Variants in HRH1 observed in about 807,000 individuals in gnomAD.
The protein encoded by HRH1 is histamine receptor H1, also known as histamine H1 receptor.
HRH1 carries 6 observed loss-of-function variants against 10.3 expected under a neutral mutation model. That is an observed-to-expected ratio of 0.58 (90% CI 0.32 to 1.15). HRH1 has a LOEUF of 1.15. Among genes scored for constraint, HRH1 ranks in the 50% most tolerant of loss-of-function variants. The pLI is 0.05. For missense variants in HRH1, 514 were observed against 615.3 expected, an observed-to-expected ratio of 0.84 and a Z score of 1.74; for synonymous variants, 242 against 236.7, an observed-to-expected ratio of 1.02 and a Z score of -0.21.
chr3:11,170,056 A>G (rs1937122810), intron 1 of HRH1, among the ~76,000 whole-genome samples: 2 of 152,120 alleles, frequency 1.3e-5, no homozygotes, highest in Non-Finnish European at 2.9e-5. Flanking sequence ...AACTCAACAG[A>G]CGGTGCCTTG....
chr3:11,196,278 G>A (rs1412564807), intron 1 of HRH1, among the ~76,000 whole-genome samples: 1 of 152,196 alleles, frequency 6.6e-6, no homozygotes, highest in Non-Finnish European at 1.5e-5. Context: ...GGCTTTGCTT[G>A]TGCCATTCCT....
chr3:11,189,883 A>G (rs980511361), intron 1 of HRH1, among the ~76,000 whole-genome samples: 8 of 152,276 alleles, frequency 5.3e-5, no homozygotes, highest in Non-Finnish European at 1.0e-4. Context: ...CCAGGAAACG[A>G]AAGTTGCAGC....
At chr3:11,158,947 C>T (rs957057495) in intron 1 of HRH1, among the ~76,000 whole-genome samples, 6 of 152,128 alleles carry the variant, frequency 3.9e-5, no homozygotes, top group African/African-American at 1.4e-4. Context: ...GACCTTAGTA[C>T]AATAATGAAT....
chr3:11,233,977 C>T (rs1939108027), intron 1 of HRH1, among the ~76,000 whole-genome samples: 1 of 152,132 alleles, frequency 6.6e-6, no homozygotes, highest in Admixed American at 6.5e-5. Flanking sequence ...GCTTATTCAG[C>T]ACATGATTTA....
At chr3:11,209,066 A>C (rs1938234601) in intron 1 of HRH1, among the ~76,000 whole-genome samples, 1 of 152,190 alleles carries the variant, frequency 6.6e-6, no homozygotes, top group African/African-American at 2.4e-5. Flanking sequence ...AGAAATACTT[A>C]TTAACAGAGA....
At chr3:11,219,484 C>T (rs368487650) in intron 1 of HRH1, among the ~76,000 whole-genome samples, 4 of 151,824 alleles carry the variant, frequency 2.6e-5, no homozygotes, top group Non-Finnish European at 4.4e-5. Flanking sequence ...GAGGCCGAGG[C>T]GGGCGGAGCA....
chr3:11,225,891 A>G (rs1938867203), intron 1 of HRH1: 1 of 152,334 alleles, frequency 6.6e-6, no homozygotes, highest in South Asian at 2.1e-4. Flanking sequence ...GTCTGTGCAG[A>G]GTTCAGCGAA....
chr3:11,259,363 T>C lies in HRH1; in HGVS notation c.326T>C (p.Val109Ala). The C allele has an allele frequency of 6.2e-7, 1 of 1,613,968 alleles. No homozygotes were observed. The highest frequency in any genetic ancestry group is 8.5e-7 in the Non-Finnish European group (1 of 1,180,016). The change falls in exon 2 of 2, where the codon GTG becomes GCG. Residue 109 changes from valine (V) to alanine (A), a missense_variant. Val to Ala is a moderately conservative substitution (Grantham distance 64). Transcript: ENST00000431010. This position sits in a 1 kb window ranked among gnomAD's most constrained non-coding sequence, Gnocchi z 4.6. ...LCLFWLSMDY[V>A]ASTASIFSVF... ...CTCTTTTGGCTTTCCATGGACTATG[T>C]GGCCAGCACAGCGTCCATTTTCAGT...
chr3:11,201,285 C>T (rs1024856625), intron 1 of HRH1, among the ~76,000 whole-genome samples: 37 of 152,220 alleles, frequency 2.4e-4, no homozygotes, highest in Non-Finnish European at 1.0e-4. Context: ...AAGGATTTGA[C>T]TTGCCCTGCT....
intron 1 of HRH1, among the ~76,000 whole-genome samples, chr3:11,245,715 T>C (rs879620922): frequency 6.6e-5 from 10 of 152,310 alleles, no homozygotes; most frequent in Admixed American, 6.5e-4. Context: ...TCAAAAATGA[T>C]GGTTTGCTTG....
At chr3:11,206,992 A>C (rs1490322927) in intron 1 of HRH1, among the ~76,000 whole-genome samples, 3 of 152,148 alleles carry the variant, frequency 2.0e-5, no homozygotes, top group African/African-American at 7.2e-5. Context: ...AGGAGGGATT[A>C]CAGAGAAGGG....
chr3:11,162,854 T>G lies in HRH1; in HGVS notation c.-36+8300T>G, dbSNP rs150669852. On this transcript the variant is annotated intron_variant, in intron 1 of 1. Transcript: ENST00000431010. ...GTAATTTGTGGTTATTCTTGGGTTT[T>G]GTTTTGTTTTGTTTTGTTTTTTGTA... 3.8e-3 allele frequency among the ~76,000 whole-genome samples: 572 copies of G among 152,240 alleles called. 7 individuals are homozygous for G. The highest frequency in any genetic ancestry group is 0.013 in the African/African-American group (554 of 41,566).
At chr3:11,214,481 C>T (rs1938427964) in intron 1 of HRH1, among the ~76,000 whole-genome samples, 1 of 152,176 alleles carries the variant, frequency 6.6e-6, no homozygotes, top group Admixed American at 6.5e-5. Context: ...CTGTGGCCTT[C>T]TGCTGTCCTA....
Position 11,259,748 on chromosome 3 carries a change from T to G in HRH1, c.711T>G (p.Ile237Met). ...INRSLPSFSEIKLRPENPKGD... is the reference protein window; with the variant it reads ...INRSLPSFSEMKLRPENPKGD... ...GGTCCCTCCCTTCCTTCTCAGAAAT[T>G]AAGCTGAGGCCAGAGAACCCCAAGG... The change falls in exon 2 of 2, where the codon ATT becomes ATG. Residue 237 changes from isoleucine to methionine, a missense_variant. Transcript: ENST00000431010. The surrounding 1 kb of genome is among the most constrained non-coding windows in gnomAD (Gnocchi z 4.6). 1 of 1,613,922 alleles carries G rather than the reference T, an allele frequency of 6.2e-7. No homozygotes were observed. Among genetic ancestry groups the G allele is most frequent in the Non-Finnish European group, 8.5e-7 (1 of 1,179,988 alleles).
intron 1 of HRH1, among the ~76,000 whole-genome samples, chr3:11,147,042 C>T (rs777102775): frequency 5.3e-5 from 8 of 152,288 alleles, no homozygotes; most frequent in Admixed American, 2.0e-4. Flanking sequence ...GATTTCCTCG[C>T]GTGTGATGGA....
intron 1 of HRH1, among the ~76,000 whole-genome samples, chr3:11,170,009 T>C (rs1423884149): frequency 6.6e-6 from 1 of 152,142 alleles, no homozygotes; most frequent in East Asian, 1.9e-4. Flanking sequence ...CCCACCTCCC[T>C]CGCTAGGAAT....
chr3:11,258,311 T>A (rs1480264433), intron 1 of HRH1, among the ~76,000 whole-genome samples: 2 of 136,872 alleles, frequency 1.5e-5, no homozygotes, highest in East Asian at 2.2e-4. Context: ...CCCATAATAA[T>A]AAGTCTGGGA....
At chr3:11,182,587 A>G (rs1937378792) in intron 1 of HRH1, among the ~76,000 whole-genome samples, 1 of 152,156 alleles carries the variant, frequency 6.6e-6, no homozygotes, top group African/African-American at 2.4e-5. Context: ...AGTGGTTCTC[A>G]GCACATCTGG....
chr3:11,253,835 G>A lies in HRH1; in HGVS notation c.-35-5168G>A, dbSNP rs997158627. Among the ~76,000 whole-genome samples, 10 of 152,164 alleles carry A rather than the reference G, an allele frequency of 6.6e-5. No homozygotes were observed. The South Asian group carries it at 1.0e-3, about 16-fold the overall frequency. On this transcript the variant is annotated intron_variant, in intron 1 of 1. Coordinates refer to ENST00000431010, the MANE Select transcript of HRH1 (RefSeq NM_001098212.2). ...AGATGTCTAAGATAGACATTAACTC[G>A]TCTAAAGTATATATCTGGGGTCCTA... is the stretch of plus-strand genomic sequence containing the variant.
Sources: gnomAD v4.1 joint callset for allele counts (sites outside exome capture counted in the v4.1 genomes callset) on GRCh38, gnomAD v4.1.1 for gene constraint, Gnocchi (gnomAD v3.1) non-coding constraint, MANE v1.5 for transcripts, NCBI Gene and HGNC (gene_info 2026-07-23, HGNC 2026-07-21) for gene names.